CCDC7: variants seen among roughly 807,000 people sequenced by gnomAD.
The protein encoded by CCDC7 is coiled-coil domain-containing protein 7.
In CCDC7, 183 loss-of-function variants were observed where a neutral mutation model predicts 196.9. The observed-to-expected ratio is 0.93, with a 90% CI of 0.82 to 1.05. The LOEUF (loss-of-function observed/expected upper bound fraction) is 1.05. CCDC7 is among the 50% of genes least tolerant of loss of function. CCDC7 has a pLI of 0.00. For synonymous variants in CCDC7, 525 were observed against 484.6 expected, an observed-to-expected ratio of 1.08 and a Z score of -1.10; for missense variants, 1,540 against 1,482.2, an observed-to-expected ratio of 1.04 and a Z score of -0.64.
chr10:32,472,562 G>A lies in CCDC7; in HGVS notation c.739+20G>A. On this transcript the variant is annotated intron_variant, in intron 7 of 41. Transcript: ENST00000639629. ...TTGAAGGTGATAATATTTTATATATGTTTATCCTTAAAAATTTTATTAAAA... is the reference window on the plus strand; with the variant it reads ...TTGAAGGTGATAATATTTTATATATATTTATCCTTAAAAATTTTATTAAAA... 6.6e-7 allele frequency: 1 copy of A among 1,504,610 alleles called. No homozygotes were observed. The highest frequency in any genetic ancestry group is 1.4e-5 in the South Asian group (1 of 70,990). 93.2% of individuals were successfully genotyped at this position (1,504,610 alleles called of 1,614,324 possible).
At chr10:32,848,554 C>CT in intron 38 of CCDC7, 42 bp from the exon 40 acceptor site, 1 of 1,360,170 alleles carries the variant, frequency 7.4e-7, no homozygotes, top group Non-Finnish European at 1.0e-6. Context: ...TGTGAATAGT[C>CT]AAGAGTATTC....
chr10:32,451,577 T>C, upstream of CCDC7: 1 of 1,515,850 alleles, frequency 6.6e-7, no homozygotes, highest in East Asian at 2.3e-5. Flanking sequence ...CTGAATCTCT[T>C]ATTTTTTTTC....
At chr10:32,569,775 A>G (rs2057330942) in intron 15 of CCDC7, among the ~76,000 whole-genome samples, 1 of 152,142 alleles carries the variant, frequency 6.6e-6, no homozygotes, top group Admixed American at 6.6e-5. Context: ...AGCATTTAAT[A>G]TGTTTAATCA....
At chr10:32,679,545 T>C (rs1488852111) in intron 21 of CCDC7, among the ~76,000 whole-genome samples, 1 of 152,230 alleles carries the variant, frequency 6.6e-6, no homozygotes, top group East Asian at 1.9e-4. Context: ...CTCATTAATC[T>C]TCTTTTTAAT....
chr10:32,645,897 C>G lies in CCDC7; in HGVS notation c.2014+10739C>G, dbSNP rs142313921. Reference sequence around the variant, plus strand: ...TCAGCTGCAATGTTACCCTTTTCTTCTCTTGTTTTAGTTATTTGAATTTCC... The same window carrying G: ...TCAGCTGCAATGTTACCCTTTTCTTGTCTTGTTTTAGTTATTTGAATTTCC... On this transcript the variant is annotated intron_variant, in intron 20 of 41. Coordinates refer to ENST00000639629, the Ensembl canonical transcript of CCDC7. Among the ~76,000 whole-genome samples the G allele has an allele frequency of 2.0e-3, 307 of 152,006 alleles. 1 individual carries two copies. The highest frequency in any genetic ancestry group is 3.5e-3 in the Non-Finnish European group (239 of 67,934).
chr10:32,479,921 A>G (rs1338245605), intron 8 of CCDC7, among the ~76,000 whole-genome samples: 1 of 144,464 alleles, frequency 6.9e-6, no homozygotes, highest in African/African-American at 2.6e-5. Context: ...CTGTTTCTTC[A>G]TGATTTAGTC....
intron 32 of CCDC7, among the ~76,000 whole-genome samples, chr10:32,831,613 A>T (rs1053783688): frequency 1.3e-5 from 2 of 152,264 alleles, no homozygotes; most frequent in Middle Eastern, 3.4e-3. Context: ...CCTTTAAAAC[A>T]TTTTTGTTAA....
intron 18 of CCDC7, among the ~76,000 whole-genome samples, chr10:32,592,274 C>T (rs1002878538): frequency 2.6e-5 from 4 of 151,926 alleles, no homozygotes; most frequent in African/African-American, 9.7e-5. Flanking sequence ...ATTTTGTCAG[C>T]CTTTTCAAAG....
chr10:32,603,518 C>T (rs772164618), intron 18 of CCDC7, among the ~76,000 whole-genome samples: 4 of 148,874 alleles, frequency 2.7e-5, no homozygotes, highest in Non-Finnish European at 4.4e-5. Flanking sequence ...TTTTGAGAAA[C>T]CTCTATAATG....
chr10:32,488,232 G>C (rs1285273813), intron 8 of CCDC7, among the ~76,000 whole-genome samples: 1 of 152,186 alleles, frequency 6.6e-6, no homozygotes, highest in East Asian at 1.9e-4. Flanking sequence ...TTTGATCTCA[G>C]CCTGCTGTGC....
At chr10:32,763,538 C>T (rs959072473) in intron 28 of CCDC7, among the ~76,000 whole-genome samples, 1 of 151,892 alleles carries the variant, frequency 6.6e-6, no homozygotes, top group African/African-American at 2.4e-5. Flanking sequence ...ATCCCCGTGT[C>T]CATGTAACAG....
At chr10:32,643,584 CTTTAA>C (rs1472478898) in intron 20 of CCDC7, among the ~76,000 whole-genome samples, 4 of 151,756 alleles carry the variant, frequency 2.6e-5, no homozygotes, top group Non-Finnish European at 5.9e-5. Flanking sequence ...GTTTACTTCT[CTTTAA>C]TTTATTTCTT....
rs1565313571 is a variant in CCDC7 at position 32,729,003 on chromosome 10, TATA to T, written c.2779+12_2779+14del. The T allele has an allele frequency of 6.6e-7, 1 of 1,516,830 alleles. No homozygotes were observed. The highest frequency in any genetic ancestry group is 9.1e-7 in the Non-Finnish European group (1 of 1,099,318). The allele number at this position is 1,516,830 out of a possible 1,614,324, so 94.0% of individuals were successfully genotyped here. On this transcript the variant is annotated splice_region_variant and intron_variant, in intron 27 of 41. Transcript: ENST00000639629. Reference sequence around the variant, plus strand: ...TGGAGTGGAAAGACACAAGAGTGAGTATAATAATTATCGATAACTTTAAATTAT... The same window carrying T: ...TGGAGTGGAAAGACACAAGAGTGAGTATAATTATCGATAACTTTAAATTAT...
intron 20 of CCDC7, among the ~76,000 whole-genome samples, chr10:32,656,599 G>T (rs888724621): frequency 3.3e-5 from 5 of 152,266 alleles, no homozygotes; most frequent in African/African-American, 1.2e-4. Flanking sequence ...TAGCATGGGG[G>T]TAACTGCCCC....
At chr10:32,879,997 T>C (rs1467206671), downstream of CCDC7, among the ~76,000 whole-genome samples, 1 of 152,198 alleles carries the variant, frequency 6.6e-6, no homozygotes, top group Non-Finnish European at 1.5e-5. Context: ...TTATAAATAA[T>C]GCTGAAATGA....
chr10:32,475,851 C>T (rs2038874445), intron 8 of CCDC7, among the ~76,000 whole-genome samples: 1 of 152,122 alleles, frequency 6.6e-6, no homozygotes. Flanking sequence ...GTTTTGCTTT[C>T]AGGTCACAAT....
chr10:32,760,858 A>G (rs117917035), intron 28 of CCDC7, among the ~76,000 whole-genome samples: 2,313 of 152,116 alleles, frequency 0.015, 20 homozygotes, highest in Middle Eastern at 0.034. Flanking sequence ...CACAAGACAA[A>G]TTGAAATGGA....
intron 2 of CCDC7, 125 bp from the exon 4 acceptor site, chr10:32,456,126 A>G: frequency 2.3e-6 from 2 of 864,330 alleles, no homozygotes; most frequent in East Asian, 6.1e-5. Context: ...TTCTTGCTGT[A>G]AATGTTTGAA....
At chr10:32,502,358 C>T (rs1589259777) in intron 9 of CCDC7, among the ~76,000 whole-genome samples, 1 of 152,310 alleles carries the variant, frequency 6.6e-6, no homozygotes, top group Admixed American at 6.5e-5. Flanking sequence ...AACACCCCAC[C>T]CTGCTTCAGC....
Sources: gnomAD v4.1 joint callset for allele counts (sites outside exome capture counted in the v4.1 genomes callset) on GRCh38, gnomAD v4.1.1 for gene constraint, MANE v1.5 for transcripts, NCBI Gene and HGNC (gene_info 2026-07-23, HGNC 2026-07-21) for gene names.